SND1: variants seen among roughly 807,000 people sequenced by gnomAD.
The protein encoded by SND1 is staphylococcal nuclease domain-containing protein 1.
A neutral mutation model predicts 121.7 loss-of-function variants in SND1; 38 were observed. The observed-to-expected ratio is 0.31, with a 90% confidence interval of 0.24 to 0.41. The LOEUF (loss-of-function observed/expected upper bound fraction) is 0.41, where lower values mean the gene tolerates loss of function less well. SND1 is among the 10% of genes least tolerant of loss of function. SND1 has a pLI of 1.00. For synonymous variants in SND1, 401 were observed against 447.4 expected (o/e 0.90, Z 1.31); for missense variants, 868 against 1,184.6 (o/e 0.73, Z 3.92).
chr7:127,786,162 C>T (rs1318161211), intron 10 of SND1, among the ~76,000 whole-genome samples: 1 of 151,972 alleles, frequency 6.6e-6, no homozygotes. Flanking sequence ...CAGGGTTTTA[C>T]CACACTGCAA....
At chr7:127,753,452 CT>C (rs879781917) in intron 10 of SND1, among the ~76,000 whole-genome samples, 163 of 145,586 alleles carry the variant, frequency 1.1e-3, no homozygotes, top group Admixed American at 2.1e-3. Flanking sequence ...TTTTTCTAAA[CT>C]TTTTTTTTTT....
rs776180757 is a variant in SND1 at position 127,992,626 on chromosome 7, T to C, written c.1779+1570T>C. Among the ~76,000 whole-genome samples, 77 of 152,214 alleles carry C rather than the reference T, an allele frequency of 5.1e-4. 2 individuals carry two copies. Among genetic ancestry groups the C allele is most frequent in the Non-Finnish European group, 2.2e-4 (15 of 68,042 alleles). On this transcript the variant is annotated intron_variant, in intron 16 of 23. Coordinates refer to ENST00000354725, the MANE Select transcript of SND1 (RefSeq NM_014390.4). ...GGTTGATGGCATTCTCATCATTTACTGTCTAAGTCAAATTTCTCACCATCA... is the reference window on the plus strand; with the variant it reads ...GGTTGATGGCATTCTCATCATTTACCGTCTAAGTCAAATTTCTCACCATCA...
In SND1 at chr7:127,858,316, GCTC is replaced by G; in HGVS notation, c.1343+13894_1343+13896del. The stretch of plus-strand genomic sequence containing the variant: ...AACTGGGTCACCCAGGCCCCTTGCT[GCTC>G]CCTTTGCCTCCTCCTCGGGCCCCCA... On this transcript the variant is annotated intron_variant, in intron 12 of 23. Coordinates refer to ENST00000354725, the MANE Select transcript of SND1 (RefSeq NM_014390.4). 1.1e-5 allele frequency: 12 copies of G among 1,112,212 alleles called. No homozygotes were observed. The South Asian group carries it at 1.5e-4, about 14-fold the overall frequency. The allele number at this position is 1,112,212 out of a possible 1,614,324, so 68.9% of individuals were successfully genotyped here. A position where few individuals can be genotyped will look rare whatever the true frequency, so the allele number is the denominator to read the frequency against.
intron 15 of SND1, among the ~76,000 whole-genome samples, chr7:127,955,487 C>A (rs542732467): frequency 2.0e-5 from 3 of 152,116 alleles, no homozygotes; most frequent in African/African-American, 7.2e-5. Flanking sequence ...CTTCTCTCCC[C>A]CTAGCCAGTG....
At chr7:127,789,369 A>T (rs1024698861) in intron 10 of SND1, among the ~76,000 whole-genome samples, 1 of 152,250 alleles carries the variant, frequency 6.6e-6, no homozygotes, top group Non-Finnish European at 1.5e-5. Flanking sequence ...TAAAAAATTC[A>T]TAAATTACAC....
At chr7:127,900,605 G>A (rs1800210289) in intron 13 of SND1, among the ~76,000 whole-genome samples, 2 of 152,140 alleles carry the variant, frequency 1.3e-5, no homozygotes, top group East Asian at 3.8e-4. Context: ...TGAGAGTTTC[G>A]AGCTTTGCTG....
At chr7:127,795,771 G>A (rs1263685522) in intron 10 of SND1, among the ~76,000 whole-genome samples, 2 of 152,074 alleles carry the variant, frequency 1.3e-5, no homozygotes, top group Non-Finnish European at 2.9e-5. Flanking sequence ...TTTTTCATTA[G>A]CAATTACAAA....
chr7:127,996,852 G>A (rs1474715980), intron 16 of SND1, among the ~76,000 whole-genome samples: 1 of 152,196 alleles, frequency 6.6e-6, no homozygotes, highest in African/African-American at 2.4e-5. Flanking sequence ...TTTAAAGGCT[G>A]TTTGGGGGCT....
At chr7:127,737,546 GC>G (rs1472542187) in intron 10 of SND1, among the ~76,000 whole-genome samples, 1 of 152,228 alleles carries the variant, frequency 6.6e-6, no homozygotes, top group East Asian at 1.9e-4. Context: ...TTGCACTCCA[GC>G]CTGGGCGATA....
At chr7:127,793,539 C>T (rs1200262566) in intron 10 of SND1, among the ~76,000 whole-genome samples, 1 of 151,958 alleles carries the variant, frequency 6.6e-6, no homozygotes, top group Non-Finnish European at 1.5e-5. Context: ...AGGGTGCCAG[C>T]AGTAGGAAAG....
chr7:128,001,084 A>G (rs1032698246), intron 16 of SND1, among the ~76,000 whole-genome samples: 7 of 151,922 alleles, frequency 4.6e-5, no homozygotes, highest in Admixed American at 3.3e-4. Context: ...TCCACTTGCT[A>G]CTCCACCCGT....
In SND1 at chr7:128,029,016, G is replaced by A. The variant is rs1792490865; in HGVS notation, c.1779+37960G>A. ...AAGTTTATAGAAGACAATCAACATG[G>A]CGGCAGCTAGCAGAGTCACTGCCAC... On this transcript the variant is annotated intron_variant, in intron 16 of 23. Coordinates refer to ENST00000354725, the MANE Select transcript of SND1 (RefSeq NM_014390.4). The surrounding 1 kb of genome is among the most constrained non-coding windows in gnomAD (Gnocchi z 4.2). 6.2e-7 allele frequency: 1 copy of A among 1,613,684 alleles called. No individual in the cohort carries two copies. The highest frequency in any genetic ancestry group is 8.5e-7 in the Non-Finnish European group (1 of 1,179,918).
At chr7:127,965,111 CT>C (rs1288842814) in intron 15 of SND1, among the ~76,000 whole-genome samples, 1 of 12,952 alleles carries the variant, frequency 7.7e-5, no homozygotes, top group Non-Finnish European at 1.4e-4. Context: ...ATTTTGTATC[CT>C]GAGACTTTGC....
At chr7:127,656,354 G>T (rs1372096954) in intron 1 of SND1, among the ~76,000 whole-genome samples, 1 of 137,900 alleles carries the variant, frequency 7.3e-6, no homozygotes, top group Non-Finnish European at 1.5e-5. Flanking sequence ...ATGGAGTCTC[G>T]CTTTGTCGCC....
intron 2 of SND1, among the ~76,000 whole-genome samples, chr7:127,691,779 A>AT (rs75566883): frequency 0.021 from 2,717 of 126,976 alleles, 59 homozygotes; most frequent in African/African-American, 0.04. Flanking sequence ...TGCCTGGCTA[A>AT]TTTTTTTTTT....
chr7:127,913,721 G>A (rs1204757501), intron 14 of SND1, among the ~76,000 whole-genome samples: 1 of 152,170 alleles, frequency 6.6e-6, no homozygotes, highest in Non-Finnish European at 1.5e-5. Flanking sequence ...TCCCATGGCT[G>A]CTGAGTGATG....
chr7:127,689,946 C>T (rs969266232), intron 2 of SND1, among the ~76,000 whole-genome samples: 3 of 112,366 alleles, frequency 2.7e-5, no homozygotes, highest in African/African-American at 1.0e-4. Flanking sequence ...CCCACCCCAA[C>T]GCTGACATCC....
chr7:127,835,411 G>C (rs1222780311), intron 11 of SND1, among the ~76,000 whole-genome samples: 2 of 152,140 alleles, frequency 1.3e-5, no homozygotes, highest in Non-Finnish European at 2.9e-5. Flanking sequence ...TTTGGCCATA[G>C]ATGACTGTGA....
At chr7:128,011,481 G>A (rs991788506) in intron 16 of SND1, among the ~76,000 whole-genome samples, 3 of 152,154 alleles carry the variant, frequency 2.0e-5, no homozygotes, top group Non-Finnish European at 4.4e-5. Flanking sequence ...GGCATGTCAC[G>A]TTTTCCTTGG....
Sources: allele counts gnomAD v4.1 joint callset (sites outside exome capture counted in the v4.1 genomes callset), GRCh38; gene constraint gnomAD v4.1.1; non-coding constraint Gnocchi (gnomAD v3.1); transcripts MANE v1.5; gene names NCBI Gene and HGNC (gene_info 2026-07-23, HGNC 2026-07-21).